Variants in STAT3 observed in about 807,000 individuals in gnomAD.
STAT3 encodes signal transducer and activator of transcription 3, also known as DNA-binding protein APRF.
Under a neutral mutation model 114.3 loss-of-function variants are expected in STAT3, and 7 were observed. That is an observed-to-expected ratio of 0.06 (90% confidence interval 0.03 to 0.11). STAT3 has a LOEUF of 0.11. Ranked by LOEUF, STAT3 falls within the 10% of genes least tolerant of loss-of-function variation. STAT3 has a pLI of 1.00. For missense variants in STAT3, 364 were observed against 960.9 expected (o/e 0.38, Z 8.21); for synonymous variants, 331 against 354.5 (o/e 0.93, Z 0.74).
chr17:42,338,741 C>T lies in STAT3; in HGVS notation c.540G>A (p.Lys180=). The T allele has an allele frequency of 6.2e-7, 1 of 1,613,496 alleles. No homozygotes were observed. The highest frequency in any genetic ancestry group is 1.1e-5 in the South Asian group (1 of 91,076). The change falls in exon 6 of 24, where the codon AAG becomes AAA. Residue 180 remains lysine (K), a synonymous_variant. Coordinates refer to ENST00000264657, the MANE Select transcript of STAT3 (RefSeq NM_139276.3). ...CTAATATTCACTTGCCTCCTTGACT[C>T]TTGAGGGTTTTATAGTTGAAATCAA... The part of the protein sequence containing the change: ...DDFDFNYKTL[K]SQGDMQDLNG...
Position 42,385,045 on chromosome 17 carries a change from T to C in STAT3, c.-24+3234A>G, listed in dbSNP as rs529920268. 2.0e-5 allele frequency among the ~76,000 whole-genome samples: 3 copies of C among 152,336 alleles called. No homozygotes were observed. In the South Asian group the frequency reaches 6.2e-4, roughly 32 times the overall value. ...TCTACATCTGTACTGTATGTTCTTT[T>C]ATGTAGAACAGCTACCTTGTTAGCA... On this transcript the variant is annotated intron_variant, in intron 1 of 23. Transcript: ENST00000264657.
chr17:42,369,995 G>A lies in STAT3; in HGVS notation c.-24+18284C>T, dbSNP rs142557862. 3.5e-4 allele frequency among the ~76,000 whole-genome samples: 53 copies of A among 151,848 alleles called. No homozygotes were observed. In the East Asian group the frequency reaches 3.7e-3, roughly 11 times the overall value. ...GTTTTTTGTTGTTGTTTTTTGAGAC[G>A]GAGTCTTGCTCTGTCGCCCAGACTA... On this transcript the variant is annotated intron_variant, in intron 1 of 23. Coordinates refer to ENST00000264657, the MANE Select transcript of STAT3 (RefSeq NM_139276.3).
chr17:42,378,054 C>T (rs2084565597), intron 1 of STAT3, among the ~76,000 whole-genome samples: 1 of 145,466 alleles, frequency 6.9e-6, no homozygotes, highest in Non-Finnish European at 1.5e-5. Flanking sequence ...GGCGCGATCT[C>T]GGCTCACTGC....
At chr17:42,380,554 T>G (rs966219431) in intron 1 of STAT3, among the ~76,000 whole-genome samples, 1 of 150,832 alleles carries the variant, frequency 6.6e-6, no homozygotes, top group African/African-American at 2.4e-5. Flanking sequence ...CTGGCTAATT[T>G]TTATATTTTT....
rs1367307013 is a variant in STAT3 at position 42,325,075 on chromosome 17, G to C, written c.1366-14C>G. 3.7e-6 allele frequency: 6 copies of C among 1,612,958 alleles called. No homozygotes were observed. The highest frequency in any genetic ancestry group is 5.1e-6 in the Non-Finnish European group (6 of 1,179,216). ...CAAGGAGTGGGTCTGCGGAGGGAGT[G>C]GGGACTGAGCTGGGGAGGCAGAGGG... On this transcript the variant is annotated splice_polypyrimidine_tract_variant and intron_variant, in intron 15 of 23. Transcript: ENST00000264657.
intron 1 of STAT3, among the ~76,000 whole-genome samples, chr17:42,365,901 ACCCCAGCCT>A (rs1402849187): frequency 6.6e-6 from 1 of 151,652 alleles, no homozygotes; most frequent in African/African-American, 2.4e-5. Flanking sequence ...TGATCTGCCC[ACCCCAGCCT>A]CCCAAAGTGC....
chr17:42,322,959 C>A (rs757848845), intron 20 of STAT3, 45 bp downstream of exon 20: 2 of 1,612,370 alleles, frequency 1.2e-6, no homozygotes, highest in Non-Finnish European at 1.7e-6. Flanking sequence ...AGTGATGAGG[C>A]CTCAGCAGCC....
At position 42,329,397 on chromosome 17, in the gene STAT3, C is replaced by G. The variant is rs746822298; in HGVS notation, c.1281+13G>C. On this transcript the variant is annotated intron_variant, in intron 14 of 23. Coordinates refer to ENST00000264657, the MANE Select transcript of STAT3 (RefSeq NM_139276.3). ...AAACACCCCAGTTGTCTTTCATCCC[C>G]AACAAAACTTACATCACAATTGGCT... is the stretch of plus-strand genomic sequence containing the variant. The G allele has an allele frequency of 1.2e-6, 2 of 1,613,486 alleles. No homozygotes were observed. Among genetic ancestry groups the G allele is most frequent in the African/African-American group, 2.7e-5 (2 of 74,900 alleles).
chr17:42,360,917 A>T (rs1182553141), intron 1 of STAT3, among the ~76,000 whole-genome samples: 5 of 152,168 alleles, frequency 3.3e-5, no homozygotes, highest in African/African-American at 1.2e-4. Context: ...CAGCAAGAAG[A>T]TGCAGGCAAC....
At position 42,342,210 on chromosome 17, in the gene STAT3, C is replaced by T. The variant is rs575750825; in HGVS notation, c.373-2801G>A. Among the ~76,000 whole-genome samples, 13 of 152,274 alleles carry T rather than the reference C, an allele frequency of 8.5e-5. No individual in the cohort carries two copies. In the South Asian group the frequency reaches 2.5e-3, roughly 29 times the overall value. ...TAAAATTCCTCACTAGGGCCGGACA[C>T]AGTGGCTTATGCCTGTAATCCCAGC... is the stretch of plus-strand genomic sequence containing the variant. On this transcript the variant is annotated intron_variant, in intron 4 of 23. Transcript: ENST00000264657.
intron 1 of STAT3, among the ~76,000 whole-genome samples, chr17:42,353,812 G>A (rs1024716269): frequency 4.6e-5 from 7 of 152,010 alleles, no homozygotes; most frequent in Non-Finnish European, 1.0e-4. Context: ...GGCCTCAAGC[G>A]ATCCTCCCAC....
intron 1 of STAT3, among the ~76,000 whole-genome samples, chr17:42,356,130 T>A (rs2083213109): frequency 6.6e-6 from 1 of 152,150 alleles, no homozygotes; most frequent in African/African-American, 2.4e-5. Flanking sequence ...GCAACCAAAG[T>A]ATAAAGAAAC....
chr17:42,361,148 C>T (rs1204186151), intron 1 of STAT3, among the ~76,000 whole-genome samples: 4 of 152,104 alleles, frequency 2.6e-5, no homozygotes, highest in Admixed American at 6.5e-5. Context: ...CAAACCAGTG[C>T]CAAATTGGAA....
chr17:42,337,642 C>T lies in STAT3; in HGVS notation c.646-56G>A, dbSNP rs1194044608. On this transcript the variant is annotated intron_variant, in intron 7 of 23. Transcript: ENST00000264657. The surrounding 1 kb of genome is among the most constrained non-coding windows in gnomAD (Gnocchi z 4.0). ...CATTTCCTCAGACTGTCTCTAACCA[C>T]ATTCTTTAGTCAACTCCAGAGCAGG... is the stretch of plus-strand genomic sequence containing the variant. 1.2e-6 allele frequency: 2 copies of T among 1,614,026 alleles called. No individual in the cohort carries two copies. Among genetic ancestry groups the T allele is most frequent in the Non-Finnish European group, 1.7e-6 (2 of 1,179,986 alleles).
At chr17:42,349,483 G>A (rs1016190772) in intron 1 of STAT3, among the ~76,000 whole-genome samples, 3 of 152,184 alleles carry the variant, frequency 2.0e-5, no homozygotes, top group Admixed American at 1.3e-4. Flanking sequence ...GGGGGACAGA[G>A]CACTAATTCC....
Position 42,314,024 on chromosome 17 carries a change from A to G in STAT3, c.*1721T>C. 4.3e-6 allele frequency: 1 copy of G among 231,282 alleles called. No homozygotes were observed. Among genetic ancestry groups the G allele is most frequent in the East Asian group, 6.1e-5 (1 of 16,446 alleles). 14.3% of individuals were successfully genotyped at this position (231,282 alleles called of 1,614,324 possible). On this transcript the variant is annotated 3_prime_UTR_variant, in exon 24 of 24. Coordinates refer to ENST00000264657, the MANE Select transcript of STAT3 (RefSeq NM_139276.3). ...AAATCCGGCCATGCCTCTGAGTCAG[A>G]GGCAGCCCATCCAGCACGTGCTAGG...
At chr17:42,358,933 C>CT (rs35099574) in intron 1 of STAT3, among the ~76,000 whole-genome samples, 60,085 of 99,420 alleles carry the variant, frequency 0.6, 20,580 homozygotes, top group Middle Eastern at 0.81. Flanking sequence ...ACATTTCTTA[C>CT]TTTTTTTTTT....
intron 21 of STAT3, among the ~76,000 whole-genome samples, chr17:42,320,155 G>A (rs959475683): frequency 2.0e-5 from 3 of 152,152 alleles, no homozygotes; most frequent in Admixed American, 1.3e-4. Flanking sequence ...CCCAACTGAA[G>A]CACACATGCA....
intron 1 of STAT3, chr17:42,387,217 C>T (rs749923793): frequency 1.3e-4 from 20 of 152,180 alleles, no homozygotes; most frequent in Non-Finnish European, 2.4e-4. Context: ...CACTTAACAA[C>T]GACCTGATAT....
Sources: gnomAD v4.1 joint callset for allele counts (sites outside exome capture counted in the v4.1 genomes callset) on GRCh38, gnomAD v4.1.1 for gene constraint, Gnocchi (gnomAD v3.1) non-coding constraint, MANE v1.5 for transcripts, NCBI Gene and HGNC (gene_info 2026-07-23, HGNC 2026-07-21) for gene names.